The following SNX29 variants were observed in gnomAD, a reference collection of about 807,000 sequenced individuals.
SNX29 encodes the protein sorting nexin 29.
In SNX29, 78 loss-of-function variants were observed where a neutral mutation model predicts 102.1. The ratio of observed to expected loss-of-function variants is 0.76; its 90% CI spans 0.64 to 0.92. The LOEUF (loss-of-function observed/expected upper bound fraction) is 0.92. Ranked by LOEUF, SNX29 falls within the 40% of genes least tolerant of loss-of-function variation. SNX29 has a pLI of 0.00. For missense variants in SNX29, 1,280 were observed against 1,061.7 expected (o/e 1.21, Z -2.86); for synonymous variants, 580 against 414.5 (o/e 1.40, Z -4.85).
intron 11 of SNX29, among the ~76,000 whole-genome samples, chr16:12,119,384 C>G (rs1263057051): frequency 6.6e-6 from 1 of 152,064 alleles, no homozygotes; most frequent in Admixed American, 6.6e-5. Flanking sequence ...GAGAGAAAAC[C>G]AAAAAATTAC....
chr16:12,159,200 C>T (rs977261210), intron 13 of SNX29, among the ~76,000 whole-genome samples: 1 of 152,242 alleles, frequency 6.6e-6, no homozygotes, highest in Admixed American at 6.5e-5. Context: ...TATGACGATA[C>T]CCAGCCAAGT....
intron 20 of SNX29, among the ~76,000 whole-genome samples, chr16:12,566,324 C>T (rs1417010423): frequency 3.3e-5 from 5 of 152,186 alleles, no homozygotes; most frequent in African/African-American, 9.7e-5. Context: ...CCTCTCCCTA[C>T]CCCTTCATAA....
rs75153889 is a variant in SNX29 at position 12,061,381 on chromosome 16, G to T, written c.1125-147G>T. On this transcript the variant is annotated intron_variant, in intron 8 of 20. Coordinates refer to ENST00000566228, the MANE Select transcript of SNX29 (RefSeq NM_032167.5). ...CAAGAGGTCTGGATCTGGACTCCAC[G>T]CTCTACCTCCCAGCCCACACCTCCT... is the stretch of plus-strand genomic sequence containing the variant. 1,662 of 637,154 alleles carry T rather than the reference G, an allele frequency of 2.6e-3. 26 individuals carry two copies. In the African/African-American group the frequency reaches 0.028, roughly 11 times the overall value. 39.5% of individuals were successfully genotyped at this position (637,154 alleles called of 1,614,324 possible). A position where few individuals can be genotyped will look rare whatever the true frequency, so the allele number is the denominator to read the frequency against.
intron 19 of SNX29, among the ~76,000 whole-genome samples, chr16:12,507,111 C>G (rs1001773724): frequency 4.6e-5 from 7 of 152,202 alleles, no homozygotes; most frequent in African/African-American, 1.7e-4. Flanking sequence ...GGCACTGCAA[C>G]TATTGTTATC....
intron 16 of SNX29, among the ~76,000 whole-genome samples, chr16:12,388,946 T>A (rs1597196630): frequency 2.0e-5 from 3 of 152,148 alleles, no homozygotes; most frequent in Admixed American, 2.0e-4. Context: ...TCAACCCAGG[T>A]GTATCTAAAT....
At chr16:12,473,960 C>G (rs2087475274) in intron 18 of SNX29, among the ~76,000 whole-genome samples, 1 of 152,184 alleles carries the variant, frequency 6.6e-6, no homozygotes, top group Admixed American at 6.5e-5. Context: ...AGTAGCGATT[C>G]TTTATTCCTT....
chr16:12,546,089 C>A (rs549398371), intron 20 of SNX29, among the ~76,000 whole-genome samples: 1 of 152,184 alleles, frequency 6.6e-6, no homozygotes, highest in Non-Finnish European at 1.5e-5. Context: ...CAGTCTCTCA[C>A]TTCACTGTGT....
chr16:12,005,153 G>A (rs1254376636), intron 3 of SNX29, among the ~76,000 whole-genome samples: 1 of 152,186 alleles, frequency 6.6e-6, no homozygotes. Context: ...CAAGCACTTT[G>A]TGCCTGTCGT....
intron 13 of SNX29, among the ~76,000 whole-genome samples, chr16:12,192,864 G>C (rs2076678920): frequency 6.6e-6 from 1 of 152,278 alleles, no homozygotes; most frequent in Non-Finnish European, 1.5e-5. Context: ...ACCATGCCCA[G>C]ATAATTTTTG....
chr16:12,052,012 C>T lies in SNX29; in HGVS notation c.914C>T (p.Ser305Phe), dbSNP rs758445746. 1 of 1,613,966 alleles carries T rather than the reference C, an allele frequency of 6.2e-7. No individual in the cohort carries two copies. Among genetic ancestry groups the T allele is most frequent in the Non-Finnish European group, 8.5e-7 (1 of 1,179,858 alleles). ...NSDRSSVNIMSAFESPFGPNS... is the reference protein window; with the variant it reads ...NSDRSSVNIMFAFESPFGPNS... ...GACCGCTCCTCTGTCAATATCATGTCCGCCTTTGAAAGCCCCTTCGGGCCT... is the reference window on the plus strand; with the variant it reads ...GACCGCTCCTCTGTCAATATCATGTTCGCCTTTGAAAGCCCCTTCGGGCCT... Residue 305 changes from serine (S) to phenylalanine (F), a missense_variant, in exon 8 of 21, where the codon TCC becomes TTC. Transcript: ENST00000566228.
chr16:12,396,842 G>A (rs1037231072), intron 16 of SNX29, among the ~76,000 whole-genome samples: 2 of 152,322 alleles, frequency 1.3e-5, no homozygotes, highest in African/African-American at 2.4e-5. Flanking sequence ...TTATGGTTAT[G>A]CAGTTAATAC....
chr16:12,115,365 ACCCCAGGCAGG>A (rs376625223), intron 11 of SNX29, among the ~76,000 whole-genome samples: 153 of 151,878 alleles, frequency 1.0e-3, no homozygotes, highest in African/African-American at 3.4e-3. Context: ...GGCCAGTGAA[ACCCCAGGCAGG>A]GATGGGACAC....
At chr16:12,272,009 A>G (rs995693238) in intron 14 of SNX29, among the ~76,000 whole-genome samples, 15 of 152,160 alleles carry the variant, frequency 9.9e-5, no homozygotes, top group Non-Finnish European at 1.5e-5. Context: ...ATGGAATTGA[A>G]ATTTTTGGCA....
At chr16:12,265,694 C>T (rs1464015939) in intron 14 of SNX29, among the ~76,000 whole-genome samples, 1 of 75,014 alleles carries the variant, frequency 1.3e-5, no homozygotes, top group Non-Finnish European at 2.4e-5. Flanking sequence ...AACCTCAACT[C>T]TACCAAAAAA....
chr16:12,171,563 G>A (rs544094300), intron 13 of SNX29, among the ~76,000 whole-genome samples: 188 of 152,334 alleles, frequency 1.2e-3, no homozygotes, highest in South Asian at 1.7e-3. Flanking sequence ...GTGGGTTTCT[G>A]CCTTTACAGT....
chr16:12,033,807 A>G (rs2057405186), intron 4 of SNX29, among the ~76,000 whole-genome samples: 1 of 151,914 alleles, frequency 6.6e-6, no homozygotes, highest in Admixed American at 6.6e-5. Flanking sequence ...GGGTTTCATC[A>G]TATTGGGCAG....
At chr16:12,116,966 G>A (rs549982956) in intron 11 of SNX29, among the ~76,000 whole-genome samples, 8 of 150,852 alleles carry the variant, frequency 5.3e-5, no homozygotes, top group African/African-American at 9.8e-5. Context: ...TGGTCAATAC[G>A]TGCTTCAATG....
At chr16:12,491,511 T>TTG (rs548738943) in intron 19 of SNX29, among the ~76,000 whole-genome samples, 21 of 151,016 alleles carry the variant, frequency 1.4e-4, no homozygotes, top group African/African-American at 2.4e-4. Context: ...GCTGCTGTTG[T>TTG]TTTTTTTTAT....
chr16:11,986,443 TA>T, intron 1 of SNX29, among the ~76,000 whole-genome samples: 1 of 152,282 alleles, frequency 6.6e-6, no homozygotes, highest in Non-Finnish European at 1.5e-5. Context: ...AATATACCTT[TA>T]AATATACATT....
Sources: allele counts gnomAD v4.1 joint callset (sites outside exome capture counted in the v4.1 genomes callset), GRCh38; gene constraint gnomAD v4.1.1; transcripts MANE v1.5; gene names NCBI Gene and HGNC (gene_info 2026-07-23, HGNC 2026-07-21).